Variants in BAALC observed in about 807,000 individuals in gnomAD.
BAALC encodes brain and acute leukemia cytoplasmic protein.
Under a neutral mutation model 15.5 loss-of-function variants are expected in BAALC, and 9 were observed. That is an observed-to-expected ratio of 0.58 (90% CI 0.35 to 1.02). BAALC has a LOEUF of 1.02. BAALC is among the 50% of genes least tolerant of loss of function. The pLI is 0.02. For synonymous variants in BAALC, 80 were observed against 74.6 expected (o/e 1.07, Z -0.37); for missense variants, 201 against 192.4 (o/e 1.04, Z -0.27).
At chr8:103,222,276 G>A (rs1002955672) in intron 2 of BAALC, among the ~76,000 whole-genome samples, 3 of 152,080 alleles carry the variant, frequency 2.0e-5, no homozygotes, top group Non-Finnish European at 4.4e-5. Context: ...AGGAAGGAAG[G>A]AAAACAGAGG....
chr8:103,149,220 C>A (rs192426069), intron 1 of BAALC, among the ~76,000 whole-genome samples: 1 of 152,102 alleles, frequency 6.6e-6, no homozygotes, highest in Non-Finnish European at 1.5e-5. Context: ...AACCATTTAG[C>A]GTGGGAGCCT....
intron 2 of BAALC, 136 bp from the exon 3 acceptor site, chr8:103,227,853 G>A (rs1812840379): frequency 1.6e-6 from 1 of 629,890 alleles, no homozygotes. Flanking sequence ...AAATGTTCCT[G>A]TGATTTATGT....
chr8:103,181,046 G>A (rs920123217), intron 1 of BAALC, among the ~76,000 whole-genome samples: 2 of 151,928 alleles, frequency 1.3e-5, no homozygotes, highest in African/African-American at 4.9e-5. Context: ...TCGTGATGAG[G>A]TTTTGAGGCC....
intron 1 of BAALC, among the ~76,000 whole-genome samples, chr8:103,184,483 T>C (rs1811791252): frequency 6.6e-6 from 1 of 152,160 alleles, no homozygotes. Context: ...TTTCACTGCA[T>C]CTCCCAAAAT....
chr8:103,216,131 A>G (rs1812548783), intron 2 of BAALC, among the ~76,000 whole-genome samples: 2 of 152,174 alleles, frequency 1.3e-5, no homozygotes, highest in African/African-American at 4.8e-5. Context: ...CGTTATGTAT[A>G]TTTCCTTATA....
chr8:103,151,708 A>T (rs914149545), intron 1 of BAALC, among the ~76,000 whole-genome samples: 1 of 152,116 alleles, frequency 6.6e-6, no homozygotes, highest in Non-Finnish European at 1.5e-5. Context: ...ATGCGGTGAC[A>T]GACCCCATAT....
intron 1 of BAALC, among the ~76,000 whole-genome samples, chr8:103,192,757 T>A (rs1246480774): frequency 6.6e-6 from 1 of 152,174 alleles, no homozygotes; most frequent in African/African-American, 2.4e-5. Context: ...TTCTAATGGA[T>A]CCTCCACACA....
At position 103,179,753 on chromosome 8, in the gene BAALC, C is replaced by G. The variant is rs144687986; in HGVS notation, c.161-33166C>G. 7.7e-4 allele frequency among the ~76,000 whole-genome samples: 118 copies of G among 152,354 alleles called. 1 individual carries two copies. Among genetic ancestry groups the G allele is most frequent in the Admixed American group, 7.7e-3 (118 of 15,306 alleles). On this transcript the variant is annotated intron_variant, in intron 1 of 2. Coordinates refer to ENST00000309982, the MANE Select transcript of BAALC (RefSeq NM_024812.3). ...GCTCACAGCCAGGTGATGGCTAACA[C>G]GAGGTCCTGCTCTTGAGGCACTGAT...
intron 2 of BAALC, chr8:103,214,788 A>G (rs1279373871): frequency 2.0e-5 from 3 of 152,270 alleles, no homozygotes; most frequent in Non-Finnish European, 4.4e-5. Context: ...TTAGGCACAC[A>G]GCACCATAAT....
intron 1 of BAALC, among the ~76,000 whole-genome samples, chr8:103,172,391 C>CTTTTTTTT (rs36037103): frequency 3.0e-5 from 3 of 100,126 alleles, no homozygotes; most frequent in Non-Finnish European, 6.0e-5. Context: ...TTCTGGCTTG[C>CTTTTTTTT]TTTTTTTTTT....
chr8:103,184,540 A>G (rs1811792290), intron 1 of BAALC, among the ~76,000 whole-genome samples: 1 of 152,224 alleles, frequency 6.6e-6, no homozygotes, highest in Non-Finnish European at 1.5e-5. Context: ...TGAGAGGCTT[A>G]GTGACTTGCC....
chr8:103,155,088 C>T (rs56278136), intron 1 of BAALC, among the ~76,000 whole-genome samples: 4 of 152,098 alleles, frequency 2.6e-5, no homozygotes, highest in Non-Finnish European at 4.4e-5. Flanking sequence ...AGTCATGTAA[C>T]TTCATCCATG....
chr8:103,188,509 G>C (rs561286402), intron 1 of BAALC, among the ~76,000 whole-genome samples: 1 of 152,160 alleles, frequency 6.6e-6, no homozygotes, highest in Non-Finnish European at 1.5e-5. Context: ...TATTAGGTCA[G>C]GAAAGGAATC....
intron 1 of BAALC, chr8:103,202,648 C>T (rs1412822159): frequency 6.6e-6 from 1 of 152,174 alleles, no homozygotes; most frequent in East Asian, 1.9e-4. Flanking sequence ...GGGAGGAAGG[C>T]TCTGGTAAAA....
At chr8:103,152,254 TTACTC>T (rs768252511) in intron 1 of BAALC, among the ~76,000 whole-genome samples, 2 of 152,152 alleles carry the variant, frequency 1.3e-5, no homozygotes, top group African/African-American at 2.4e-5. Context: ...ATTTCATTGT[TTACTC>T]TGCTCTGTTT....
intron 2 of BAALC, among the ~76,000 whole-genome samples, chr8:103,218,067 G>A (rs10097271): frequency 0.1 from 15,763 of 152,208 alleles, 932 homozygotes; most frequent in African/African-American, 0.15. Flanking sequence ...GCCACCTCAC[G>A]TTTAAACTGC....
intron 1 of BAALC, among the ~76,000 whole-genome samples, chr8:103,158,478 T>A (rs1811150306): frequency 6.6e-6 from 1 of 152,158 alleles, no homozygotes; most frequent in Non-Finnish European, 1.5e-5. Context: ...AAAGAAGCAC[T>A]TTAGGGCTTT....
chr8:103,198,355 A>G (rs1812141109), intron 1 of BAALC, among the ~76,000 whole-genome samples: 1 of 152,204 alleles, frequency 6.6e-6, no homozygotes, highest in African/African-American at 2.4e-5. Flanking sequence ...CTAATTAGAA[A>G]AGACAAAATG....
chr8:103,227,758 C>A (rs925759754), intron 2 of BAALC, among the ~76,000 whole-genome samples: 12 of 152,044 alleles, frequency 7.9e-5, no homozygotes, highest in African/African-American at 2.4e-4. Flanking sequence ...CTCCCTTTTC[C>A]TTTCCTCTTT....
Sources: allele counts gnomAD v4.1 joint callset (sites outside exome capture counted in the v4.1 genomes callset), GRCh38; gene constraint gnomAD v4.1.1; transcripts MANE v1.5; gene names NCBI Gene and HGNC (gene_info 2026-07-23, HGNC 2026-07-21).